PBX1: variants seen among roughly 807,000 people sequenced by gnomAD.
PBX1 encodes pre-B-cell leukemia transcription factor 1.
A neutral mutation model predicts 53.4 loss-of-function variants in PBX1; 6 were observed. The ratio of observed to expected loss-of-function variants is 0.11; its 90% CI spans 0.06 to 0.22. PBX1 has a LOEUF of 0.22. PBX1 is among the 10% of genes least tolerant of loss of function. The pLI is 1.00. For missense variants in PBX1, 251 were observed against 551.4 expected (o/e 0.46, Z 5.46); for synonymous variants, 204 against 212.3 (o/e 0.96, Z 0.34).
chr1:164,799,615 A>G (rs1668968620), intron 3 of PBX1, 84 bp from the exon 4 acceptor site: 2 of 1,216,886 alleles, frequency 1.6e-6, no homozygotes, highest in South Asian at 3.8e-5. Flanking sequence ...TCTCTAGAAA[A>G]GCCCACGTGG....
At chr1:164,692,135 T>C (rs1662524152) in intron 2 of PBX1, among the ~76,000 whole-genome samples, 1 of 152,216 alleles carries the variant, frequency 6.6e-6, no homozygotes, top group Non-Finnish European at 1.5e-5. Context: ...GTATACGTGC[T>C]TGTGTGTACC....
intron 8 of PBX1, among the ~76,000 whole-genome samples, chr1:164,844,876 T>C (rs1002041036): frequency 3.3e-5 from 5 of 152,218 alleles, no homozygotes; most frequent in Admixed American, 6.5e-5. Flanking sequence ...TTTTCCTCCT[T>C]ATTGTTCTCC....
At chr1:164,853,827 A>G (rs1173213330), downstream of PBX1, among the ~76,000 whole-genome samples, 2 of 151,974 alleles carry the variant, frequency 1.3e-5, no homozygotes, top group African/African-American at 4.8e-5. Flanking sequence ...CCTTAAAATC[A>G]CAAAATCTCA....
intron 2 of PBX1, among the ~76,000 whole-genome samples, chr1:164,620,980 G>C (rs1356692528): frequency 6.8e-6 from 1 of 147,336 alleles, no homozygotes; most frequent in South Asian, 2.2e-4. Context: ...ACTGCGCCCG[G>C]CATTAAAAAA....
At chr1:164,710,847 A>C (rs1663722418) in intron 2 of PBX1, among the ~76,000 whole-genome samples, 1 of 152,214 alleles carries the variant, frequency 6.6e-6, no homozygotes, top group Admixed American at 6.5e-5. Context: ...GTGAAACATG[A>C]ATATTGATGA....
chr1:164,879,875 G>A (rs934369680), intron 2 of PBX1, among the ~76,000 whole-genome samples: 1 of 152,098 alleles, frequency 6.6e-6, no homozygotes, highest in African/African-American at 2.4e-5. Context: ...AGGGGGAAAA[G>A]AACCCTAAAA....
intron 2 of PBX1, among the ~76,000 whole-genome samples, chr1:164,866,691 T>G (rs1672227865): frequency 6.6e-6 from 1 of 152,238 alleles, no homozygotes; most frequent in Non-Finnish European, 1.5e-5. Flanking sequence ...TGGTGGCTGA[T>G]GGATGAGTTG....
At position 164,876,090 on chromosome 1, in the gene PBX1, C is replaced by T. The variant is rs78794366; in HGVS notation, n.258-23098C>T. The stretch of plus-strand genomic sequence containing the variant: ...CCTAAGGTGTCTCCAGAGTGGAGGT[C>T]AGTGAACTCAGAACAAACCCTTGAA... On this transcript the variant is annotated intron_variant and non_coding_transcript_variant, in intron 2 of 2. Transcript: ENST00000558796. 5.6e-4 allele frequency among the ~76,000 whole-genome samples: 83 copies of T among 148,054 alleles called. 1 individual carries two copies. The East Asian group carries it at 0.016, about 28-fold the overall frequency.
At chr1:164,684,920 A>G (rs1005500613) in intron 2 of PBX1, 3 of 152,228 alleles carry the variant, frequency 2.0e-5, no homozygotes, top group Non-Finnish European at 2.9e-5. Context: ...GTTAAGAACT[A>G]CTTAGTCTTG....
intron 2 of PBX1, among the ~76,000 whole-genome samples, chr1:164,719,993 T>C (rs1186919189): frequency 6.6e-6 from 1 of 152,142 alleles, no homozygotes; most frequent in East Asian, 1.9e-4. Context: ...ATAATCAAGT[T>C]GAACATTTCC....
chr1:164,689,258 G>C (rs142025661), intron 2 of PBX1, among the ~76,000 whole-genome samples: 279 of 152,186 alleles, frequency 1.8e-3, no homozygotes, highest in African/African-American at 6.4e-3. Context: ...CCAGGTTTCT[G>C]TTAATTCTTG....
intron 2 of PBX1, among the ~76,000 whole-genome samples, chr1:164,870,111 C>T (rs1672312663): frequency 1.3e-5 from 2 of 152,172 alleles, no homozygotes; most frequent in Admixed American, 1.3e-4. Context: ...GACCTAGGCC[C>T]TGATATCTTT....
chr1:164,680,660 A>C (rs1661706633), intron 2 of PBX1: 2 of 152,236 alleles, frequency 1.3e-5, no homozygotes, highest in South Asian at 4.1e-4. Flanking sequence ...AAAAAAATGC[A>C]GCTAGGCTAT....
intron 2 of PBX1, chr1:164,700,573 G>T (rs939564820): frequency 5.5e-5 from 54 of 985,396 alleles, no homozygotes; most frequent in East Asian, 3.4e-4. Flanking sequence ...GGGGACACGG[G>T]AGCAGACAGT....
intron 2 of PBX1, among the ~76,000 whole-genome samples, chr1:164,649,944 A>C (rs535689347): frequency 8.5e-5 from 13 of 152,298 alleles, no homozygotes; most frequent in East Asian, 5.8e-4. Flanking sequence ...CCAAAAAAAA[A>C]CAAAGATATT....
At chr1:164,869,337 G>A (rs569422013) in intron 2 of PBX1, among the ~76,000 whole-genome samples, 2 of 152,214 alleles carry the variant, frequency 1.3e-5, no homozygotes, top group African/African-American at 4.8e-5. Context: ...TAGTCAGTAA[G>A]CCTGGATAAG....
intron 2 of PBX1, among the ~76,000 whole-genome samples, chr1:164,675,766 A>G (rs1459579901): frequency 1.3e-5 from 2 of 152,110 alleles, no homozygotes; most frequent in Non-Finnish European, 2.9e-5. Context: ...TCTTAGTGCT[A>G]TATCCCACCA....
At chr1:164,620,694 T>A (rs1780356) in intron 2 of PBX1, among the ~76,000 whole-genome samples, 9 of 151,894 alleles carry the variant, frequency 5.9e-5, no homozygotes, top group Non-Finnish European at 1.3e-4. Flanking sequence ...CTTTTCTTTT[T>A]TTTTTTGTGA....
chr1:164,799,939 G>A, intron 4 of PBX1, 50 bp downstream of exon 4: 1 of 1,531,848 alleles, frequency 6.5e-7, no homozygotes, highest in Non-Finnish European at 8.9e-7. Context: ...CCCTGATCTG[G>A]GGCTGGAGTC....
Sources: allele counts gnomAD v4.1 joint callset (sites outside exome capture counted in the v4.1 genomes callset), GRCh38; gene constraint gnomAD v4.1.1; transcripts MANE v1.5; gene names NCBI Gene and HGNC (gene_info 2026-07-23, HGNC 2026-07-21).